The following PRKCE variants were observed in gnomAD, a reference collection of about 807,000 sequenced individuals.
PRKCE encodes the protein protein kinase C epsilon.
A neutral mutation model predicts 85.4 loss-of-function variants in PRKCE; 16 were observed. The ratio of observed to expected loss-of-function variants is 0.19; its 90% confidence interval spans 0.13 to 0.28. PRKCE has a LOEUF of 0.28. Among genes scored for constraint, PRKCE ranks in the 10% least tolerant of loss-of-function variants. The pLI is 1.00. For synonymous variants in PRKCE, 388 were observed against 371.5 expected, an observed-to-expected ratio of 1.04 and a Z score of -0.51; for missense variants, 573 against 975.2, an observed-to-expected ratio of 0.59 and a Z score of 5.49.
chr2:45,722,863 G>T (rs1680734820), intron 1 of PRKCE, among the ~76,000 whole-genome samples: 1 of 152,252 alleles, frequency 6.6e-6, no homozygotes, highest in African/African-American at 2.4e-5. Flanking sequence ...CTCTTTGGGA[G>T]GCCGAGGTGG....
chr2:45,711,148 C>A (rs1021230886), intron 1 of PRKCE, among the ~76,000 whole-genome samples: 40 of 152,300 alleles, frequency 2.6e-4, no homozygotes, highest in African/African-American at 9.6e-4. Context: ...CACTTACTTA[C>A]TCTATGTGCA....
intron 1 of PRKCE, among the ~76,000 whole-genome samples, chr2:45,732,300 T>G (rs1373387096): frequency 1.3e-5 from 2 of 152,198 alleles, no homozygotes; most frequent in Non-Finnish European, 2.9e-5. Context: ...AATGCCATTT[T>G]AAGTACATTC....
At chr2:45,914,969 C>T (rs535629714) in intron 2 of PRKCE, among the ~76,000 whole-genome samples, 2 of 152,224 alleles carry the variant, frequency 1.3e-5, no homozygotes, top group African/African-American at 4.8e-5. Flanking sequence ...AGACAAGAGT[C>T]TCTGTCACCT....
chr2:45,684,237 T>C (rs1677115358), intron 1 of PRKCE, among the ~76,000 whole-genome samples: 1 of 152,218 alleles, frequency 6.6e-6, no homozygotes, highest in South Asian at 2.1e-4. Flanking sequence ...GGATTCCCTT[T>C]TTCAGGAAAT....
chr2:45,853,869 C>T (rs764752465), intron 2 of PRKCE, among the ~76,000 whole-genome samples: 66 of 152,270 alleles, frequency 4.3e-4, no homozygotes, highest in Admixed American at 1.1e-3. Flanking sequence ...ACTCAGGGCC[C>T]GCATGCACAC....
At chr2:45,948,023 A>G (rs1700355772) in intron 2 of PRKCE, among the ~76,000 whole-genome samples, 1 of 152,248 alleles carries the variant, frequency 6.6e-6, no homozygotes, top group Admixed American at 6.5e-5. Context: ...ATGTTCAGGC[A>G]TTGCTCACCT....
intron 1 of PRKCE, chr2:45,675,016 C>T (rs1051455762): frequency 1.3e-5 from 2 of 152,138 alleles, no homozygotes; most frequent in Admixed American, 6.6e-5. Context: ...TTGGGTGATC[C>T]ATATGCCTAA....
chr2:45,794,290 C>A (rs990455526), intron 1 of PRKCE, among the ~76,000 whole-genome samples: 1 of 152,094 alleles, frequency 6.6e-6, no homozygotes, highest in Non-Finnish European at 1.5e-5. Flanking sequence ...CCGAGATGAG[C>A]TCTTATGTCA....
chr2:45,832,808 C>T lies in PRKCE; in HGVS notation c.349-10192C>T, dbSNP rs187254841. On this transcript the variant is annotated intron_variant, in intron 1 of 14. Transcript: ENST00000306156. The stretch of plus-strand genomic sequence containing the variant: ...CTCTTCTGCAAATTGTGAGGATGCG[C>T]GCAAGTTATTTAAATTCCTAAGCCT... Among the ~76,000 whole-genome samples the T allele has an allele frequency of 5.9e-5, 9 of 152,240 alleles. No homozygotes were observed. In the South Asian group the frequency reaches 1.0e-3, roughly 18 times the overall value.
At chr2:45,681,702 G>A (rs1676918494) in intron 1 of PRKCE, among the ~76,000 whole-genome samples, 1 of 152,208 alleles carries the variant, frequency 6.6e-6, no homozygotes, top group Non-Finnish European at 1.5e-5. Flanking sequence ...TCTTGGTAAT[G>A]CAACTGCCAT....
intron 4 of PRKCE, 89 bp downstream of exon 4, chr2:45,979,099 G>A: frequency 8.1e-7 from 1 of 1,234,054 alleles, no homozygotes; most frequent in Non-Finnish European, 1.2e-6. Context: ...TCAGTCTGAT[G>A]ACATTTGGAG....
rs576585075 is a variant in PRKCE at position 45,667,725 on chromosome 2, G to C, written c.348+15277G>C. Among the ~76,000 whole-genome samples, 9 of 152,088 alleles carry C rather than the reference G, an allele frequency of 5.9e-5. No homozygotes were observed. In the East Asian group the frequency reaches 1.5e-3, roughly 26 times the overall value. ...GGTTTATAAAAAAATAGGGCAGAAA[G>C]TACTGAGTTCCCATATACCCCCTCA... On this transcript the variant is annotated intron_variant, in intron 1 of 14. Coordinates refer to ENST00000306156, the MANE Select transcript of PRKCE (RefSeq NM_005400.3).
intron 1 of PRKCE, among the ~76,000 whole-genome samples, chr2:45,730,474 T>TCC (rs1348318283): frequency 1.3e-5 from 2 of 148,714 alleles, no homozygotes; most frequent in African/African-American, 5.0e-5. Context: ...TTTTTTTTTT[T>TCC]CCCGAGACAG....
chr2:45,703,723 T>A (rs1038255569), intron 1 of PRKCE, among the ~76,000 whole-genome samples: 1 of 152,144 alleles, frequency 6.6e-6, no homozygotes, highest in Non-Finnish European at 1.5e-5. Flanking sequence ...TTTGTTCTTG[T>A]GAAGGTTCTT....
chr2:46,000,443 A>C, intron 6 of PRKCE, among the ~76,000 whole-genome samples: 1 of 121,900 alleles, frequency 8.2e-6, no homozygotes. Flanking sequence ...GTCTGATAAA[A>C]CCTCAATCTC....
chr2:45,986,405 A>G (rs555901397), intron 6 of PRKCE, among the ~76,000 whole-genome samples: 3 of 152,134 alleles, frequency 2.0e-5, no homozygotes, highest in Non-Finnish European at 4.4e-5. Context: ...GACTGTTGAT[A>G]CAGCAGGGAA....
At chr2:45,658,206 T>C (rs1675469542) in intron 1 of PRKCE, among the ~76,000 whole-genome samples, 1 of 152,134 alleles carries the variant, frequency 6.6e-6, no homozygotes, top group African/African-American at 2.4e-5. Context: ...GGTCCCTGGA[T>C]CTCCCTTTCC....
chr2:45,707,761 G>C (rs1365699478), intron 1 of PRKCE, among the ~76,000 whole-genome samples: 1 of 152,214 alleles, frequency 6.6e-6, no homozygotes, highest in Non-Finnish European at 1.5e-5. Context: ...AATAGCTCCT[G>C]CATCCTCCCA....
intron 2 of PRKCE, among the ~76,000 whole-genome samples, chr2:45,862,951 C>A (rs981950752): frequency 6.6e-6 from 1 of 152,210 alleles, no homozygotes; most frequent in African/African-American, 2.4e-5. Context: ...TGAAAAACAG[C>A]CTTACTCACT....
Sources: gnomAD v4.1 joint callset for allele counts (sites outside exome capture counted in the v4.1 genomes callset) on GRCh38, gnomAD v4.1.1 for gene constraint, MANE v1.5 for transcripts, NCBI Gene and HGNC (gene_info 2026-07-23, HGNC 2026-07-21) for gene names.